Variants in SCFD2 observed in about 807,000 individuals in gnomAD.
The protein encoded by SCFD2 is sec1 family domain containing 2.
SCFD2 carries 54 observed loss-of-function variants against 58.9 expected under a neutral mutation model. That is an observed-to-expected ratio of 0.92 (90% CI 0.74 to 1.15). The LOEUF is 1.15. SCFD2 is among the 50% of genes most tolerant of loss of function. SCFD2 has a pLI of 0.00. For synonymous variants in SCFD2, 321 were observed against 335.9 expected, an observed-to-expected ratio of 0.96 and a Z score of 0.49; for missense variants, 805 against 836.6, an observed-to-expected ratio of 0.96 and a Z score of 0.47.
chr4:52,987,132 C>T (rs1345499158), intron 5 of SCFD2, among the ~76,000 whole-genome samples: 1 of 152,096 alleles, frequency 6.6e-6, no homozygotes, highest in African/African-American at 2.4e-5. Flanking sequence ...AGGTTCACGC[C>T]ATTCTCCTGC....
chr4:53,335,954 A>G (rs1023765299), intron 2 of SCFD2, among the ~76,000 whole-genome samples: 2 of 152,198 alleles, frequency 1.3e-5, no homozygotes, highest in African/African-American at 2.4e-5. Flanking sequence ...TAATCTCTTT[A>G]TATAAAACAT....
intron 5 of SCFD2, among the ~76,000 whole-genome samples, chr4:53,089,075 C>G (rs1184541075): frequency 6.6e-6 from 1 of 152,098 alleles, no homozygotes; most frequent in Non-Finnish European, 1.5e-5. Flanking sequence ...TCACCAGACA[C>G]CAAATCTGCT....
intron 3 of SCFD2, among the ~76,000 whole-genome samples, chr4:53,312,743 G>A (rs920491763): frequency 6.6e-6 from 1 of 151,972 alleles, no homozygotes; most frequent in Non-Finnish European, 1.5e-5. Context: ...ATGAATCTCA[G>A]CAAAGAAAAA....
intron 7 of SCFD2, among the ~76,000 whole-genome samples, chr4:52,890,469 G>A (rs936250631): frequency 6.6e-6 from 1 of 152,178 alleles, no homozygotes; most frequent in Non-Finnish European, 1.5e-5. Context: ...CAAGTCAACA[G>A]ACTGTTGGGA....
At chr4:53,181,923 T>A (rs1727574026) in intron 4 of SCFD2, among the ~76,000 whole-genome samples, 1 of 152,162 alleles carries the variant, frequency 6.6e-6, no homozygotes, top group Non-Finnish European at 1.5e-5. Context: ...GAGAATAAAA[T>A]ACCTAGGAAT....
intron 3 of SCFD2, 78 bp downstream of exon 3, chr4:53,313,558 G>T: frequency 2.6e-6 from 4 of 1,558,440 alleles, no homozygotes; most frequent in South Asian, 2.3e-5. Flanking sequence ...ATTCCATGTT[G>T]GCTAGCTTGG....
intron 5 of SCFD2, among the ~76,000 whole-genome samples, chr4:52,961,474 C>T (rs189339172): frequency 7.0e-4 from 106 of 152,148 alleles, no homozygotes; most frequent in African/African-American, 2.3e-3. Context: ...TATTTTAATC[C>T]GCTTTTTAAA....
At chr4:52,943,374 A>G (rs990767153) in intron 5 of SCFD2, among the ~76,000 whole-genome samples, 4 of 152,170 alleles carry the variant, frequency 2.6e-5, no homozygotes, top group Non-Finnish European at 5.9e-5. Flanking sequence ...AAAGAACATA[A>G]ATTTACTTCC....
chr4:52,987,179 C>G (rs1019791927), intron 5 of SCFD2, among the ~76,000 whole-genome samples: 1 of 152,166 alleles, frequency 6.6e-6, no homozygotes, highest in Non-Finnish European at 1.5e-5. Flanking sequence ...CAGGTGCCGG[C>G]CACTGCGCCC....
intron 5 of SCFD2, among the ~76,000 whole-genome samples, chr4:53,041,302 C>T (rs955418644): frequency 3.9e-5 from 6 of 152,160 alleles, no homozygotes; most frequent in African/African-American, 1.4e-4. Flanking sequence ...GGTGATGGAA[C>T]AGAGGTGTTG....
At chr4:53,008,650 T>C (rs1457946124) in intron 5 of SCFD2, among the ~76,000 whole-genome samples, 2 of 152,098 alleles carry the variant, frequency 1.3e-5, no homozygotes, top group African/African-American at 4.8e-5. Context: ...GAGGTGCATG[T>C]ATAAAACGCT....
intron 4 of SCFD2, among the ~76,000 whole-genome samples, chr4:53,167,644 A>C (rs894174850): frequency 7.9e-5 from 12 of 152,196 alleles, no homozygotes; most frequent in Admixed American, 2.0e-4. Flanking sequence ...CACTTGATTT[A>C]GGTTTTAATT....
Position 52,920,763 on chromosome 4 carries a change from A to G in SCFD2, c.1669T>C (p.Phe557Leu). ...TTTCCAGGAACATATACAGACTTAA[A>G]CTGTTTCAGGAGACTCCGAGCTCCA... Reference protein sequence around the residue: ...IAGARSLLKQFKSVYVPGNHT... With the variant: ...IAGARSLLKQLKSVYVPGNHT... Residue 557 changes from phenylalanine to leucine, a missense_variant, in exon 6 of 9, where the codon TTT becomes CTT. Coordinates refer to ENST00000401642, the MANE Select transcript of SCFD2 (RefSeq NM_152540.4). 6.2e-7 allele frequency: 1 copy of G among 1,610,476 alleles called. No individual in the cohort carries two copies. The highest frequency in any genetic ancestry group is 8.5e-7 in the Non-Finnish European group (1 of 1,177,778).
intron 8 of SCFD2, 89 bp from the exon 9 acceptor site, chr4:52,874,150 G>T: frequency 1.1e-6 from 1 of 888,466 alleles, no homozygotes; most frequent in Non-Finnish European, 1.9e-6. Context: ...TGCAACAAAT[G>T]TCTTTGGGGG....
chr4:53,294,964 T>C (rs1731973570), intron 3 of SCFD2, among the ~76,000 whole-genome samples: 1 of 152,206 alleles, frequency 6.6e-6, no homozygotes, highest in Admixed American at 6.5e-5. Flanking sequence ...TGTGGTGCTA[T>C]TTCTGAGGCC....
At chr4:53,031,083 G>A (rs1296038424) in intron 5 of SCFD2, among the ~76,000 whole-genome samples, 1 of 152,188 alleles carries the variant, frequency 6.6e-6, no homozygotes, top group Admixed American at 6.5e-5. Context: ...GCTTCCAGAG[G>A]AAAGTCAGCA....
intron 4 of SCFD2, among the ~76,000 whole-genome samples, chr4:53,202,273 T>C (rs1038433292): frequency 6.6e-6 from 1 of 152,220 alleles, no homozygotes; most frequent in African/African-American, 2.4e-5. Flanking sequence ...CACCATTTAT[T>C]TAATAGGGAA....
intron 5 of SCFD2, among the ~76,000 whole-genome samples, chr4:53,009,632 G>A (rs997892522): frequency 6.6e-6 from 1 of 152,148 alleles, no homozygotes; most frequent in Non-Finnish European, 1.5e-5. Flanking sequence ...GAGACTTAGT[G>A]CTGACCTTAT....
rs559818807 is a variant in SCFD2, at chr4:53,294,462, A to T, written c.1135+19174T>A. On this transcript the variant is annotated intron_variant, in intron 3 of 8. Transcript: ENST00000401642. Reference sequence around the variant, plus strand: ...CTTCTTTTGAGAAGTGTCTGTTCATATCCTTTGCCCACTTTTTGATGGGGT... The same window carrying T: ...CTTCTTTTGAGAAGTGTCTGTTCATTTCCTTTGCCCACTTTTTGATGGGGT... Among the ~76,000 whole-genome samples the T allele has an allele frequency of 1.6e-4, 24 of 152,218 alleles. No homozygotes were observed. The South Asian group carries it at 5.0e-3, about 32-fold the overall frequency.
Sources: gnomAD v4.1 joint callset for allele counts (sites outside exome capture counted in the v4.1 genomes callset) on GRCh38, gnomAD v4.1.1 for gene constraint, MANE v1.5 for transcripts, NCBI Gene and HGNC (gene_info 2026-07-23, HGNC 2026-07-21) for gene names.